The following AKT2 variants were observed in gnomAD, a reference collection of about 807,000 sequenced individuals.
AKT2 encodes AKT serine/threonine kinase 2, also known as RAC-beta serine/threonine-protein kinase.
AKT2 carries 16 observed loss-of-function variants against 58.6 expected under a neutral mutation model. The observed-to-expected ratio is 0.27, with a 90% CI of 0.18 to 0.41. AKT2 has a LOEUF of 0.41. Among genes scored for constraint, AKT2 ranks in the 10% least tolerant of loss-of-function variants. The probability of loss-of-function intolerance (pLI) is 1.00; values close to 1 mark genes in which losing one functional copy is unlikely to be tolerated. For missense variants in AKT2, 438 were observed against 661.0 expected (o/e 0.66, Z 3.70); for synonymous variants, 253 against 254.0 (o/e 1.00, Z 0.04).
At chr19:40,250,906 C>T (rs1975109656) in intron 4 of AKT2, among the ~76,000 whole-genome samples, 1 of 152,084 alleles carries the variant, frequency 6.6e-6, no homozygotes, top group South Asian at 2.1e-4. Context: ...AAACTTTTTC[C>T]ATCAAGGACC....
chr19:40,249,028 G>A (rs1974949670), intron 4 of AKT2, among the ~76,000 whole-genome samples: 1 of 150,652 alleles, frequency 6.6e-6, no homozygotes, highest in Non-Finnish European at 1.5e-5. Context: ...TGGAGGAGAT[G>A]AGGACAGGGA....
At chr19:40,261,904 CGTT>C (rs1568556639) in intron 2 of AKT2, among the ~76,000 whole-genome samples, 3 of 149,664 alleles carry the variant, frequency 2.0e-5, no homozygotes, top group Non-Finnish European at 3.0e-5. Flanking sequence ...ATTTCATCCC[CGTT>C]TTTTTTTTTT....
In AKT2 at chr19:40,242,195, G is replaced by A. The variant is rs1974451250; in HGVS notation, c.442-126C>T. The A allele has an allele frequency of 2.2e-6, 3 of 1,362,792 alleles. No homozygotes were observed. The South Asian group carries it at 3.6e-5, about 16-fold the overall frequency. The allele number at this position is 1,362,792 out of a possible 1,614,324, so 84.4% of individuals were successfully genotyped here. ...CAAACGGCTTAGGCTGGAGCAGGAAGGGAGGCTCTGGGCAGCAACTGTGTG... is the reference window on the plus strand; with the variant it reads ...CAAACGGCTTAGGCTGGAGCAGGAAAGGAGGCTCTGGGCAGCAACTGTGTG... On this transcript the variant is annotated intron_variant, in intron 5 of 13. Coordinates refer to ENST00000392038, the MANE Select transcript of AKT2 (RefSeq NM_001626.6). This position sits in a 1 kb window ranked among gnomAD's most constrained non-coding sequence, Gnocchi z 4.3.
intron 1 of AKT2, chr19:40,269,725 T>C (rs1010481851): frequency 2.0e-5 from 3 of 152,120 alleles, no homozygotes; most frequent in African/African-American, 7.2e-5. Context: ...AACAAACACG[T>C]AGATCCACAG....
chr19:40,264,146 G>C (rs1976171408), intron 2 of AKT2, among the ~76,000 whole-genome samples: 1 of 152,202 alleles, frequency 6.6e-6, no homozygotes, highest in South Asian at 2.1e-4. Flanking sequence ...GCGCTGCTCA[G>C]CACGTGTTTG....
chr19:40,285,158 G>A, intron 1 of AKT2, 23 bp downstream of exon 1: 1 of 393,616 alleles, frequency 2.5e-6, no homozygotes, highest in Admixed American at 4.4e-5. Flanking sequence ...GGGGCGTTCG[G>A]GGACACGCGC....
At chr19:40,275,143 C>A (rs780485310) in intron 1 of AKT2, 2 of 456,718 alleles carry the variant, frequency 4.4e-6, no homozygotes, top group Admixed American at 2.3e-5. Flanking sequence ...GGAGCCCGGA[C>A]CCCTCTCCTC....
At position 40,256,949 on chromosome 19, in the gene AKT2, G is replaced by A. The variant is rs770250877; in HGVS notation, c.152C>T (p.Pro51Leu). The A allele has an allele frequency of 1.9e-6, 3 of 1,614,172 alleles. No individual in the cohort carries two copies. The highest frequency in any genetic ancestry group is 2.5e-6 in the Non-Finnish European group (3 of 1,180,012). ...ACCTGCTACGGAGAAGTTGTTTAAG[G>A]GGGGTAGAGTCTGATCAGGGGCCTC... Reference protein sequence around the residue: ...RPEAPDQTLPPLNNFSVAECQ... With the variant: ...RPEAPDQTLPLLNNFSVAECQ... Residue 51 changes from proline to leucine, a missense_variant, in exon 3 of 14, where the codon CCC becomes CTC. Pro to Leu is a moderately conservative substitution (Grantham distance 98). Around this residue, in one of 3 missense-constraint regions of AKT2, gnomAD observed 244 missense variants for 347.1 expected, o/e 0.70. Transcript: ENST00000392038.
Position 40,232,769 on chromosome 19 carries a change from GCA to G in AKT2, c.*1101_*1102del, listed in dbSNP as rs1448299065. 1 of 233,428 alleles carries G rather than the reference GCA, an allele frequency of 4.3e-6. No homozygotes were observed. The highest frequency in any genetic ancestry group is 2.2e-5 in the African/African-American group (1 of 45,328). 14.5% of individuals were successfully genotyped at this position (233,428 alleles called of 1,614,324 possible). A position where few individuals can be genotyped will look rare whatever the true frequency, so the allele number is the denominator to read the frequency against. ...GTGTGCCTGCGTCCCGCCGACACAC[GCA>G]GTCCGAGGCACGCACAGGAGTCCCA... On this transcript the variant is annotated 3_prime_UTR_variant, in exon 14 of 14. Transcript: ENST00000392038.
chr19:40,232,908 C>G lies in AKT2; in HGVS notation c.*964G>C. The G allele has an allele frequency of 4.3e-6, 1 of 231,758 alleles. No individual in the cohort carries two copies. The highest frequency in any genetic ancestry group is 6.1e-5 in the East Asian group (1 of 16,428). The allele number at this position is 231,758 out of a possible 1,614,324, so 14.4% of individuals were successfully genotyped here. A position where few individuals can be genotyped will look rare whatever the true frequency, so the allele number is the denominator to read the frequency against. The stretch of plus-strand genomic sequence containing the variant: ...AGGAGCCTCCCTTTTCAGAGGCCCC[C>G]CACCCCAATAGGTACCAGAGATGCC... On this transcript the variant is annotated 3_prime_UTR_variant, in exon 14 of 14. Coordinates refer to ENST00000392038, the MANE Select transcript of AKT2 (RefSeq NM_001626.6).
chr19:40,275,790 C>A (rs1415381256), intron 1 of AKT2, among the ~76,000 whole-genome samples: 1 of 53,726 alleles, frequency 1.9e-5, no homozygotes, highest in African/African-American at 6.7e-5. Context: ...GGGCGGGGGG[C>A]GATCACAAGG....
intron 1 of AKT2, among the ~76,000 whole-genome samples, chr19:40,276,915 C>T (rs1353155737): frequency 6.6e-6 from 1 of 152,100 alleles, no homozygotes; most frequent in Admixed American, 6.5e-5. Context: ...CCCAGCTACT[C>T]AGAAGGCTGA....
At chr19:40,265,669 G>C (rs1976298499) in intron 1 of AKT2, 2 of 345,988 alleles carry the variant, frequency 5.8e-6, no homozygotes, top group Non-Finnish European at 1.1e-5. Context: ...CATCAAGGTA[G>C]CCGTGCCCTG....
intron 1 of AKT2, 102 bp from the exon 2 acceptor site, chr19:40,265,453 TCAG>T: frequency 6.8e-7 from 1 of 1,462,116 alleles, no homozygotes; most frequent in South Asian, 1.3e-5. Context: ...TTCTGCCCAC[TCAG>T]CAAAGGGTAA....
At chr19:40,272,394 T>A (rs2077231670) in intron 1 of AKT2, among the ~76,000 whole-genome samples, 1 of 152,154 alleles carries the variant, frequency 6.6e-6, no homozygotes. Flanking sequence ...GTGGAGACGG[T>A]CTGGCCACAC....
At chr19:40,239,763 C>A (rs1259744301) in intron 7 of AKT2, 3 of 641,394 alleles carry the variant, frequency 4.7e-6, no homozygotes, top group East Asian at 6.0e-5. Flanking sequence ...GTGCTCCTAA[C>A]TCATAGAGAC....
rs569745698 is a variant in AKT2, at chr19:40,235,653, C to G, written c.1175+237G>C. Among the ~76,000 whole-genome samples, 2 of 152,188 alleles carry G rather than the reference C, an allele frequency of 1.3e-5. No homozygotes were observed. The highest frequency in any genetic ancestry group is 3.9e-4 in the East Asian group (2 of 5,194). The stretch of plus-strand genomic sequence containing the variant: ...CCACATATGGTTTGGTGGCCCCAGC[C>G]AGGCCCAGGGGATGCCCTGTTCCTC... On this transcript the variant is annotated intron_variant, in intron 11 of 13. Transcript: ENST00000392038. The surrounding 1 kb of genome is among the most constrained non-coding windows in gnomAD (Gnocchi z 6.3).
At chr19:40,239,165 C>A in intron 7 of AKT2, 192 bp from the exon 8 acceptor site, 1 of 578,988 alleles carries the variant, frequency 1.7e-6, no homozygotes, top group Non-Finnish European at 3.1e-6. Context: ...CATGGCTCTG[C>A]GGTAGGAAAG....
chr19:40,235,192 G>A lies in AKT2; in HGVS notation c.1264-45C>T, dbSNP rs768799809. On this transcript the variant is annotated intron_variant, in intron 12 of 13. Transcript: ENST00000392038. This position sits in a 1 kb window ranked among gnomAD's most constrained non-coding sequence, Gnocchi z 6.3. Reference sequence around the variant, plus strand: ...AGGCTCAGGGACCCTGAGGCCAGGAGGCCTCAACCAAGGTCACCACGAGTG... The same window carrying A: ...AGGCTCAGGGACCCTGAGGCCAGGAAGCCTCAACCAAGGTCACCACGAGTG... 11 of 1,613,458 alleles carry A rather than the reference G, an allele frequency of 6.8e-6. No homozygotes were observed. Among genetic ancestry groups the A allele is most frequent in the Middle Eastern group, 1.7e-4 (1 of 6,060 alleles).
Sources: allele counts gnomAD v4.1 joint callset (sites outside exome capture counted in the v4.1 genomes callset), GRCh38; gene constraint gnomAD v4.1.1; regional missense constraint gnomAD v4.1.1; non-coding constraint Gnocchi (gnomAD v3.1); transcripts MANE v1.5; gene names NCBI Gene and HGNC (gene_info 2026-07-23, HGNC 2026-07-21).